Variants in AFG1L observed in about 807,000 individuals in gnomAD.
AFG1L encodes AFG1 like ATPase.
AFG1L carries 53 observed loss-of-function variants against 62.2 expected under a neutral mutation model. That is an observed-to-expected ratio of 0.85 (90% confidence interval 0.68 to 1.07). The LOEUF is 1.07. AFG1L is among the 50% of genes least tolerant of loss of function. The probability of loss-of-function intolerance (pLI) is 0.00; values close to 1 mark genes in which losing one functional copy is unlikely to be tolerated. For synonymous variants in AFG1L, 228 were observed against 210.3 expected (o/e 1.08, Z -0.73); for missense variants, 555 against 590.5 (o/e 0.94, Z 0.62).
At chr6:108,406,313 CTTTT>C (rs59484751) in intron 7 of AFG1L, among the ~76,000 whole-genome samples, 1 of 141,154 alleles carries the variant, frequency 7.1e-6, no homozygotes. Context: ...TTTCTTTTTC[CTTTT>C]TTTTTTTTTT....
chr6:108,490,442 T>G (rs187831389), intron 10 of AFG1L, among the ~76,000 whole-genome samples: 3 of 152,060 alleles, frequency 2.0e-5, no homozygotes, highest in African/African-American at 4.8e-5. Flanking sequence ...TTGTAGAAAA[T>G]CTTAATATAG....
intron 8 of AFG1L, among the ~76,000 whole-genome samples, chr6:108,457,326 A>G (rs1345627115): frequency 6.6e-6 from 1 of 151,880 alleles, no homozygotes; most frequent in East Asian, 1.9e-4. Context: ...CTTATTAGCT[A>G]TACCTCCTTG....
rs575087231 is a variant in AFG1L, at chr6:108,421,094, T to C, written c.807+19040T>C. The stretch of plus-strand genomic sequence containing the variant: ...TTTGTCATAGGCCACCATGGAGGTC[T>C]GCAGAGAAGAACTTTAATCCAATAA... On this transcript the variant is annotated intron_variant, in intron 7 of 12. Transcript: ENST00000368977. Among the ~76,000 whole-genome samples, 40 of 152,264 alleles carry C rather than the reference T, an allele frequency of 2.6e-4. No individual in the cohort carries two copies. The South Asian group carries it at 8.1e-3, about 31-fold the overall frequency.
intron 5 of AFG1L, among the ~76,000 whole-genome samples, chr6:108,358,614 C>A (rs1309514363): frequency 1.3e-5 from 2 of 152,160 alleles, no homozygotes; most frequent in East Asian, 3.8e-4. Flanking sequence ...CTCACTGCAA[C>A]CTCTGCCTCC....
At chr6:108,348,963 C>T (rs531231635) in intron 3 of AFG1L, among the ~76,000 whole-genome samples, 23 of 152,122 alleles carry the variant, frequency 1.5e-4, no homozygotes, top group African/African-American at 5.1e-4. Flanking sequence ...AAAATACAGC[C>T]ATATGGTAAC....
intron 1 of AFG1L, among the ~76,000 whole-genome samples, chr6:108,323,411 T>C (rs577378826): frequency 7.9e-5 from 12 of 152,326 alleles, no homozygotes; most frequent in African/African-American, 2.9e-4. Context: ...TCACCCAGGC[T>C]GGAGTACAGT....
At chr6:108,505,437 T>C (rs1346562102) in intron 10 of AFG1L, among the ~76,000 whole-genome samples, 3 of 152,058 alleles carry the variant, frequency 2.0e-5, no homozygotes, top group Admixed American at 6.5e-5. Context: ...AAATCCAGGA[T>C]GTACAAAGAT....
chr6:108,344,857 A>G (rs1371834727), intron 2 of AFG1L: 1 of 468,450 alleles, frequency 2.1e-6, no homozygotes, highest in Non-Finnish European at 4.4e-6. Flanking sequence ...TGATAATAGC[A>G]TTAGGTAAGA....
At chr6:108,347,791 C>T (rs1417931440) in intron 3 of AFG1L, among the ~76,000 whole-genome samples, 2 of 152,058 alleles carry the variant, frequency 1.3e-5, no homozygotes, top group African/African-American at 4.8e-5. Context: ...TGCCTCCTTG[C>T]TTTCAATTAT....
intron 10 of AFG1L, among the ~76,000 whole-genome samples, chr6:108,498,463 G>A (rs1774053059): frequency 6.6e-6 from 1 of 151,994 alleles, no homozygotes; most frequent in Admixed American, 6.6e-5. Context: ...TTTAAATAAT[G>A]AATGCTTGGG....
intron 10 of AFG1L, among the ~76,000 whole-genome samples, chr6:108,495,996 A>T (rs1055515833): frequency 6.6e-6 from 1 of 152,214 alleles, no homozygotes; most frequent in South Asian, 2.1e-4. Flanking sequence ...TTGAGTTAGA[A>T]TAACATACTC....
At chr6:108,354,862 G>T (rs919791343) in intron 3 of AFG1L, among the ~76,000 whole-genome samples, 2 of 152,134 alleles carry the variant, frequency 1.3e-5, no homozygotes, top group African/African-American at 4.8e-5. Context: ...AGATAAGAGG[G>T]TTCTACTACT....
At chr6:108,400,316 A>T (rs2114624845) in intron 6 of AFG1L, among the ~76,000 whole-genome samples, 1 of 151,866 alleles carries the variant, frequency 6.6e-6, no homozygotes, top group Admixed American at 6.6e-5. Context: ...GTATGATACT[A>T]GCTGTGGGTC....
intron 8 of AFG1L, among the ~76,000 whole-genome samples, chr6:108,465,681 C>T (rs1017176058): frequency 7.0e-6 from 1 of 143,434 alleles, no homozygotes; most frequent in Admixed American, 6.9e-5. Context: ...GCTGCTGCTG[C>T]TAAAGTTTTT....
chr6:108,411,287 C>T (rs983757443), intron 7 of AFG1L, among the ~76,000 whole-genome samples: 4 of 152,218 alleles, frequency 2.6e-5, no homozygotes, highest in Non-Finnish European at 5.9e-5. Flanking sequence ...TGGAGCCCAT[C>T]GCAGCTCAAG....
In AFG1L at chr6:108,385,151, A is replaced by G. The variant is rs564801685; in HGVS notation, c.749-16845A>G. ...AAAACCTAAGGTAAAGAGCAAATCT[A>G]GAAAGCAACCAGAGAAAACGTGACA... On this transcript the variant is annotated intron_variant, in intron 6 of 12. Coordinates refer to ENST00000368977, the MANE Select transcript of AFG1L (RefSeq NM_145315.5). Among the ~76,000 whole-genome samples, 17 of 152,384 alleles carry G rather than the reference A, an allele frequency of 1.1e-4. No individual in the cohort carries two copies. In the South Asian group the frequency reaches 3.5e-3, roughly 32 times the overall value.
At chr6:108,435,640 C>T (rs141252884) in intron 7 of AFG1L, among the ~76,000 whole-genome samples, 324 of 152,248 alleles carry the variant, frequency 2.1e-3, no homozygotes, top group African/African-American at 7.4e-3. Context: ...CATATAGACT[C>T]GAGTGTGTGG....
intron 6 of AFG1L, among the ~76,000 whole-genome samples, chr6:108,381,709 A>G (rs75121433): frequency 6.6e-6 from 1 of 152,244 alleles, no homozygotes; most frequent in Non-Finnish European, 1.5e-5. Context: ...TGACATTCCA[A>G]TAGGGAAATA....
Position 108,355,756 on chromosome 6 carries a change from G to A in AFG1L, c.517+1G>A. On this transcript the variant is annotated splice_donor_variant, in intron 4 of 12. Coordinates refer to ENST00000368977, the MANE Select transcript of AFG1L (RefSeq NM_145315.5). LOFTEE classifies it high-confidence loss of function. ...GGTTTCATGCTAGATGTGCACAAAAGTAAGCAATGATCTGAAAGAAGTGAT... is the reference window on the plus strand; with the variant it reads ...GGTTTCATGCTAGATGTGCACAAAAATAAGCAATGATCTGAAAGAAGTGAT... The A allele has an allele frequency of 1.9e-6, 3 of 1,591,374 alleles. No individual in the cohort carries two copies. Among genetic ancestry groups the A allele is most frequent in the Non-Finnish European group, 2.6e-6 (3 of 1,166,674 alleles).
Sources: allele counts gnomAD v4.1 joint callset (sites outside exome capture counted in the v4.1 genomes callset), GRCh38; gene constraint gnomAD v4.1.1; transcripts MANE v1.5; gene names NCBI Gene and HGNC (gene_info 2026-07-23, HGNC 2026-07-21).